Variants in RAD23B observed in about 807,000 individuals in gnomAD.
RAD23B encodes the protein lysine-specific demethylase RAD23B.
In RAD23B, 5 loss-of-function variants were observed where a neutral mutation model predicts 49.1. That is an observed-to-expected ratio of 0.10 (90% confidence interval 0.05 to 0.21). The LOEUF (loss-of-function observed/expected upper bound fraction) is 0.21. Ranked by LOEUF, RAD23B falls within the 10% of genes least tolerant of loss-of-function variation. The pLI, the probability that RAD23B is intolerant of heterozygous loss-of-function variation, is 1.00. For missense variants in RAD23B, 356 were observed against 486.7 expected (o/e 0.73, Z 2.53); for synonymous variants, 184 against 165.4 (o/e 1.11, Z -0.86).
chr9:107,326,627 CTTTTTTTTTTTT>C (rs796381629), intron 9 of RAD23B, among the ~76,000 whole-genome samples: 6 of 67,510 alleles, frequency 8.9e-5, no homozygotes, highest in Non-Finnish European at 1.4e-4. Context: ...TTTTGTATTT[CTTTTTTTTTTTT>C]TTTTTTTTTT....
At chr9:107,328,910 A>G (rs935000735) in intron 9 of RAD23B, among the ~76,000 whole-genome samples, 1 of 152,214 alleles carries the variant, frequency 6.6e-6, no homozygotes, top group Non-Finnish European at 1.5e-5. Flanking sequence ...AGCTGGTATT[A>G]CCATTTAAAA....
Position 107,301,695 on chromosome 9 carries a change from G to A in RAD23B, c.149-340G>A, listed in dbSNP as rs1378785003. Among the ~76,000 whole-genome samples, 8 of 151,566 alleles carry A rather than the reference G, an allele frequency of 5.3e-5. No homozygotes were observed. In the East Asian group the frequency reaches 5.8e-4, roughly 11 times the overall value. On this transcript the variant is annotated intron_variant, in intron 2 of 9. Transcript: ENST00000358015. ...TAGGACCATAGGCATGTGCCACAAT[G>A]CCTGGCTAATTTTGAATTTTTTTTT...
intron 5 of RAD23B, among the ~76,000 whole-genome samples, chr9:107,314,545 T>C (rs921393035): frequency 6.6e-6 from 1 of 152,210 alleles, no homozygotes; most frequent in African/African-American, 2.4e-5. Flanking sequence ...GTGAGTATTA[T>C]TACACACACA....
intron 7 of RAD23B, among the ~76,000 whole-genome samples, chr9:107,322,402 T>TA (rs1200136131): frequency 4.6e-5 from 7 of 152,258 alleles, no homozygotes; most frequent in Non-Finnish European, 8.8e-5. Context: ...TATTTAGTGT[T>TA]ACTTTCTGAT....
chr9:107,302,154 G>A (rs1194998820), intron 3 of RAD23B, 40 bp downstream of exon 3: 1 of 1,606,660 alleles, frequency 6.2e-7, no homozygotes, highest in Non-Finnish European at 8.5e-7. Context: ...TATGCATGTA[G>A]GTCTTTTTAA....
chr9:107,305,900 C>T (rs377301517), intron 3 of RAD23B, among the ~76,000 whole-genome samples: 27 of 151,344 alleles, frequency 1.8e-4, no homozygotes, highest in East Asian at 3.9e-4. Flanking sequence ...GCTTCAGGCC[C>T]GGAGTTCAAG....
chr9:107,325,313 CAAAAAA>C (rs34042765), intron 9 of RAD23B, among the ~76,000 whole-genome samples: 28 of 61,386 alleles, frequency 4.6e-4, no homozygotes, highest in South Asian at 7.2e-4. Flanking sequence ...GACTCTGTCT[CAAAAAA>C]AAAAAAAAAA....
chr9:107,309,674 G>A (rs1353377534), intron 4 of RAD23B, among the ~76,000 whole-genome samples: 1 of 152,176 alleles, frequency 6.6e-6, no homozygotes, highest in Non-Finnish European at 1.5e-5. Context: ...GCTCACGCCT[G>A]TAATCCCAGC....
chr9:107,328,705 G>A (rs1243128498), intron 9 of RAD23B, among the ~76,000 whole-genome samples: 1 of 152,168 alleles, frequency 6.6e-6, no homozygotes, highest in Non-Finnish European at 1.5e-5. Context: ...ACCTGCTCCT[G>A]GGCAGCCCAG....
chr9:107,297,216 CT>C (rs1826545559), intron 1 of RAD23B, among the ~76,000 whole-genome samples: 1 of 151,696 alleles, frequency 6.6e-6, no homozygotes, highest in African/African-American at 2.4e-5. Context: ...CATGTTTAGC[CT>C]GTTAATTTTT....
intron 3 of RAD23B, among the ~76,000 whole-genome samples, chr9:107,303,188 A>AAC (rs59565519): frequency 0.039 from 5,898 of 152,238 alleles, 340 homozygotes; most frequent in African/African-American, 0.13. Context: ...TCTGAGAAAG[A>AAC]ACAGTGTTAC....
At chr9:107,298,474 ATTTTTTTTTTTTTTT>A (rs35923233) in intron 1 of RAD23B, among the ~76,000 whole-genome samples, 12 of 53,122 alleles carry the variant, frequency 2.3e-4, no homozygotes, top group South Asian at 2.0e-3. Context: ...TGCTTGGCTA[ATTTTTTTTTTTTTTT>A]TTTTTTTTTT....
chr9:107,312,886 T>C (rs1246250960), intron 5 of RAD23B, among the ~76,000 whole-genome samples: 2 of 152,022 alleles, frequency 1.3e-5, no homozygotes, highest in African/African-American at 4.8e-5. Context: ...CTGGAATGCA[T>C]TGATGCTCCT....
chr9:107,306,072 T>TATA (rs1564245552), intron 3 of RAD23B, among the ~76,000 whole-genome samples: 6,798 of 42,652 alleles, frequency 0.16, 310 homozygotes, highest in Middle Eastern at 0.26. Context: ...TATATATATA[T>TATA]CTATATATCT....
At chr9:107,312,988 G>A (rs1481285309) in intron 5 of RAD23B, among the ~76,000 whole-genome samples, 1 of 152,100 alleles carries the variant, frequency 6.6e-6, no homozygotes, top group Non-Finnish European at 1.5e-5. Flanking sequence ...ATGGTCTCGG[G>A]ATCCCTCTAC....
chr9:107,331,127 A>G lies in RAD23B; in HGVS notation c.*1471A>G, dbSNP rs935367855. 1 of 152,428 alleles carries G rather than the reference A, an allele frequency of 6.6e-6. No individual in the cohort carries two copies. Among genetic ancestry groups the G allele is most frequent in the African/African-American group, 2.4e-5 (1 of 41,436 alleles). 9.4% of individuals were successfully genotyped at this position (152,428 alleles called of 1,614,324 possible). A position where few individuals can be genotyped will look rare whatever the true frequency, so the allele number is the denominator to read the frequency against. The stretch of plus-strand genomic sequence containing the variant: ...GATGAATTTGCACAGATTTCTCTGC[A>G]TAATTTCTCAATATCTTTAGCACAG... On this transcript the variant is annotated 3_prime_UTR_variant, in exon 10 of 10. Coordinates refer to ENST00000358015, the MANE Select transcript of RAD23B (RefSeq NM_002874.5).
chr9:107,323,708 G>T (rs997756642), intron 7 of RAD23B, among the ~76,000 whole-genome samples, 182 bp from the exon 8 acceptor site: 4 of 152,092 alleles, frequency 2.6e-5, no homozygotes, highest in Non-Finnish European at 5.9e-5. Context: ...AGTAATTTTT[G>T]CCGTATAAAA....
chr9:107,314,989 GTTAT>G (rs1826962281), intron 5 of RAD23B, among the ~76,000 whole-genome samples: 1 of 152,096 alleles, frequency 6.6e-6, no homozygotes, highest in Non-Finnish European at 1.5e-5. Context: ...TTTTAATGGG[GTTAT>G]TTGTTTTTTT....
chr9:107,312,380 G>T (rs893602119), intron 5 of RAD23B, among the ~76,000 whole-genome samples: 18 of 152,140 alleles, frequency 1.2e-4, no homozygotes, highest in Non-Finnish European at 2.6e-4. Context: ...GAGAAAGCGA[G>T]GAATAGGTAG....
Sources: gnomAD v4.1 joint callset for allele counts (sites outside exome capture counted in the v4.1 genomes callset) on GRCh38, gnomAD v4.1.1 for gene constraint, MANE v1.5 for transcripts, NCBI Gene and HGNC (gene_info 2026-07-23, HGNC 2026-07-21) for gene names.